Variants in SPOCD1 observed in about 807,000 individuals in gnomAD.
SPOCD1 encodes the protein SPOC domain-containing protein 1.
Under a neutral mutation model 92.2 loss-of-function variants are expected in SPOCD1, and 64 were observed. That is an observed-to-expected ratio of 0.69 (90% CI 0.57 to 0.86). The LOEUF (loss-of-function observed/expected upper bound fraction) is 0.86. SPOCD1 is among the 40% of genes least tolerant of loss of function. SPOCD1 has a pLI of 0.00. For synonymous variants in SPOCD1, 578 were observed against 619.3 expected (o/e 0.93, Z 0.99); for missense variants, 1,360 against 1,543.1 (o/e 0.88, Z 1.99).
At chr1:31,812,895 C>T (rs1649295467) in intron 2 of SPOCD1, among the ~76,000 whole-genome samples, 1 of 152,248 alleles carries the variant, frequency 6.6e-6, no homozygotes, top group African/African-American at 2.4e-5. Context: ...AAATCAAAAA[C>T]ATCTAGCACA....
intron 2 of SPOCD1, among the ~76,000 whole-genome samples, chr1:31,813,571 T>A (rs1649342240): frequency 6.6e-6 from 1 of 151,316 alleles, no homozygotes; most frequent in African/African-American, 2.4e-5. Context: ...CCTAGGCACA[T>A]TATTTTATAC....
Position 31,794,157 on chromosome 1 carries a change from G to A in SPOCD1, c.2350C>T (p.His784Tyr). Reference sequence around the variant, plus strand: ...ATGTGGCAGTTGGGGTCTAAGAAGTGGTGGTCATGCTGCCCCGTGGTGTCC... The same window carrying A: ...ATGTGGCAGTTGGGGTCTAAGAAGTAGTGGTCATGCTGCCCCGTGGTGTCC... Reference protein sequence around the residue: ...SEDTTGQHDHHFLDPNCHICK... With the variant: ...SEDTTGQHDHYFLDPNCHICK... The change falls in exon 11 of 16, where the codon CAC becomes TAC. Residue 784 changes from histidine to tyrosine, a missense_variant. Physicochemically the swap from His to Tyr is moderately conservative, Grantham distance 83. Coordinates refer to ENST00000360482, the MANE Select transcript of SPOCD1 (RefSeq NM_144569.7). 6.2e-7 allele frequency: 1 copy of A among 1,614,018 alleles called. No homozygotes were observed. The highest frequency in any genetic ancestry group is 8.5e-7 in the Non-Finnish European group (1 of 1,179,966).
Position 31,798,273 on chromosome 1 carries a change from C to A in SPOCD1, c.2079G>T (p.Val693=), listed in dbSNP as rs753769375. ...GGGCCAGCTGCATCGAGCTCATCCG[C>A]ACCAGGTCGTAGGGGGTGACATCTC... ...VHGDVTPYDL[V]RMSSMQLAPQ... Residue 693 remains valine (V), a synonymous_variant, in exon 9 of 16, where the codon GTG becomes GTT. Coordinates refer to ENST00000360482, the MANE Select transcript of SPOCD1 (RefSeq NM_144569.7). This position sits in a 1 kb window ranked among gnomAD's most constrained non-coding sequence, Gnocchi z 4.1. 6.2e-7 allele frequency: 1 copy of A among 1,613,974 alleles called. No individual in the cohort carries two copies. The highest frequency in any genetic ancestry group is 8.5e-7 in the Non-Finnish European group (1 of 1,180,034).
Position 31,814,201 on chromosome 1 carries a change from T to C in SPOCD1, c.1133A>G (p.Gln378Arg), listed in dbSNP as rs772370807. ...AQPASRGRLE[Q>R]GLAAPADTCA... Reference sequence around the variant, plus strand: ...GGTGTCAGCGGGGGCAGCGAGTCCTTGCTCCAGCCTTCCCCTGGAAGCTGG... The same window carrying C: ...GGTGTCAGCGGGGGCAGCGAGTCCTCGCTCCAGCCTTCCCCTGGAAGCTGG... The change falls in exon 2 of 16, where the codon CAA (glutamine) becomes CGA (arginine). Residue 378 changes from glutamine (Q) to arginine (R), a missense_variant. By Grantham distance (43) the Gln-to-Arg change is conservative (BLOSUM62 1). Coordinates refer to ENST00000360482, the MANE Select transcript of SPOCD1 (RefSeq NM_144569.7). The surrounding 1 kb of genome is among the most constrained non-coding windows in gnomAD (Gnocchi z 4.2). 5.7e-6 allele frequency: 9 copies of C among 1,573,490 alleles called. No homozygotes were observed. The highest frequency in any genetic ancestry group is 7.8e-6 in the Non-Finnish European group (9 of 1,158,200).
rs151262787 is a variant in SPOCD1 at position 31,794,076 on chromosome 1, G to A, written c.2383+48C>T. 2,198 of 1,584,898 alleles carry A rather than the reference G, an allele frequency of 1.4e-3. 10 individuals carry two copies. Among genetic ancestry groups the A allele is most frequent in the South Asian group, 3.9e-3 (348 of 89,644 alleles). ...CTGTTGCTGCTGAACTGCACGCTCA[G>A]CCCCAGCCTGGCTGCCACCCCTGCA... On this transcript the variant is annotated intron_variant, in intron 11 of 15. Transcript: ENST00000360482.
rs944367022 is a variant in SPOCD1, at chr1:31,793,980, C to G, written c.2384-83G>C. On this transcript the variant is annotated intron_variant, in intron 11 of 15. Transcript: ENST00000360482. ...CAGGGCTTTAGAGCCAGGGTTGAAC[C>G]AGGTTCTTTTCTAGGTGACCTGGGG... 115 of 1,547,940 alleles carry G rather than the reference C, an allele frequency of 7.4e-5. 1 individual carries two copies. The South Asian group carries it at 7.5e-4, about 10-fold the overall frequency.
intron 2 of SPOCD1, among the ~76,000 whole-genome samples, chr1:31,809,449 C>G (rs954856209): frequency 7.9e-5 from 12 of 151,492 alleles, no homozygotes; most frequent in Admixed American, 7.9e-4. Context: ...AATTCCACCC[C>G]AGAAAATATT....
intron 13 of SPOCD1, 85 bp downstream of exon 13, chr1:31,793,193 T>C: frequency 6.9e-7 from 1 of 1,454,798 alleles, no homozygotes. Context: ...TGTTTTAGAA[T>C]GCATGAGTGA....
Position 31,793,896 on chromosome 1 carries a change from G to A in SPOCD1, c.2385C>T (p.Asp795=), listed in dbSNP as rs1207365217. 1 of 1,610,426 alleles carries A rather than the reference G, an allele frequency of 6.2e-7. No individual in the cohort carries two copies. The highest frequency in any genetic ancestry group is 1.3e-5 in the African/African-American group (1 of 74,844). Residue 795 remains aspartate, a splice_region_variant and synonymous_variant, in exon 12 of 16, where the codon GAC becomes GAT. Transcript: ENST00000360482. ...FLDPNCHICK[D]WEPSNELLGS... is the part of the protein sequence containing the mutation. ...CTAGCAGCTCATTCGAGGGCTCCCA[G>A]TCTGCAAATAGCAGAGGCAGGAGCT...
Position 31,814,493 on chromosome 1 carries a change from C to T in SPOCD1, c.841G>A (p.Gly281Arg). 1 of 1,560,898 alleles carries T rather than the reference C, an allele frequency of 6.4e-7. No individual in the cohort carries two copies. The highest frequency in any genetic ancestry group is 8.7e-7 in the Non-Finnish European group (1 of 1,150,550). The change falls in exon 2 of 16, where the codon GGG (glycine) becomes AGG (arginine). Residue 281 changes from glycine to arginine, a missense_variant. Physicochemically the swap from Gly to Arg is moderately radical, Grantham distance 125. Around this residue, in one of 3 missense-constraint regions of SPOCD1, gnomAD observed 606 missense variants for 601.5 expected, o/e 1.01. Transcript: ENST00000360482. This position sits in a 1 kb window ranked among gnomAD's most constrained non-coding sequence, Gnocchi z 4.2. ...PGGSGAGCAS[G>R]TEKFGYLPAT... The stretch of plus-strand genomic sequence containing the variant: ...GGCAAATATCCAAATTTCTCAGTCC[C>T]TGAGGCACATCCTGCCCCACTTCCA...
Position 31,798,265 on chromosome 1 carries a change from C to T in SPOCD1, c.2087G>A (p.Ser696Asn). 3 of 1,614,110 alleles carry T rather than the reference C, an allele frequency of 1.9e-6. No homozygotes were observed. The highest frequency in any genetic ancestry group is 2.5e-6 in the Non-Finnish European group (3 of 1,180,036). The change falls in exon 9 of 16, where the codon AGC (serine) becomes AAC (asparagine). Residue 696 changes from serine to asparagine, a missense_variant. Ser to Asn is a conservative substitution (Grantham distance 46). This residue lies in a region of SPOCD1 where 614 missense variants were observed against 757.8 expected (regional missense o/e 0.81). Transcript: ENST00000360482. This position sits in a 1 kb window ranked among gnomAD's most constrained non-coding sequence, Gnocchi z 4.1. Reference protein sequence around the residue: ...DVTPYDLVRMSSMQLAPQELA... With the variant: ...DVTPYDLVRMNSMQLAPQELA... Reference sequence around the variant, plus strand: ...CTCCTGGGGGGCCAGCTGCATCGAGCTCATCCGCACCAGGTCGTAGGGGGT... The same window carrying T: ...CTCCTGGGGGGCCAGCTGCATCGAGTTCATCCGCACCAGGTCGTAGGGGGT...
In SPOCD1 at chr1:31,790,521, T is replaced by C; in HGVS notation, c.*82A>G. Reference sequence around the variant, plus strand: ...CAGGTGGGTAGGGCTGACCATCCTCTCCTTGCAGTCCCACCTCTCTCTGGA... The same window carrying C: ...CAGGTGGGTAGGGCTGACCATCCTCCCCTTGCAGTCCCACCTCTCTCTGGA... On this transcript the variant is annotated 3_prime_UTR_variant, in exon 16 of 16. Coordinates refer to ENST00000360482, the MANE Select transcript of SPOCD1 (RefSeq NM_144569.7). 7.8e-7 allele frequency: 1 copy of C among 1,288,248 alleles called. No homozygotes were observed. Among genetic ancestry groups the C allele is most frequent in the Non-Finnish European group, 1.1e-6 (1 of 932,440 alleles). 79.8% of individuals were successfully genotyped at this position (1,288,248 alleles called of 1,614,324 possible). A position where few individuals can be genotyped will look rare whatever the true frequency, so the allele number is the denominator to read the frequency against.
chr1:31,807,307 T>C (rs1202362755), intron 2 of SPOCD1, among the ~76,000 whole-genome samples: 1 of 134,510 alleles, frequency 7.4e-6, no homozygotes, highest in Non-Finnish European at 1.6e-5. Flanking sequence ...GGGAATTGCT[T>C]GAAGCTGGGA....
chr1:31,802,045 GT>G lies in SPOCD1; in HGVS notation c.1384-341del, dbSNP rs527299575. Among the ~76,000 whole-genome samples, 264 of 152,286 alleles carry G rather than the reference GT, an allele frequency of 1.7e-3. 2 individuals carry two copies. The highest frequency in any genetic ancestry group is 3.1e-3 in the Non-Finnish European group (208 of 68,032). On this transcript the variant is annotated intron_variant, in intron 2 of 15. Coordinates refer to ENST00000360482, the MANE Select transcript of SPOCD1 (RefSeq NM_144569.7). ...TAGCTGAGCATGGTGGCGGGTGCCT[GT>G]AATCCCAGCTACTCGGGAGGCTGAG...
chr1:31,800,926 G>A (rs1376959309), intron 3 of SPOCD1, among the ~76,000 whole-genome samples: 2 of 152,146 alleles, frequency 1.3e-5, no homozygotes, highest in Admixed American at 6.5e-5. Context: ...TGAACTCTGT[G>A]CCAGGACCCT....
intron 2 of SPOCD1, among the ~76,000 whole-genome samples, chr1:31,809,000 C>A (rs1242158761): frequency 6.6e-6 from 1 of 152,050 alleles, no homozygotes; most frequent in African/African-American, 2.4e-5. Context: ...ACCAGCCTGA[C>A]CAATATGGTG....
intron 10 of SPOCD1, 97 bp downstream of exon 10, chr1:31,796,493 G>A: frequency 6.3e-7 from 1 of 1,589,886 alleles, no homozygotes; most frequent in Non-Finnish European, 8.6e-7. Flanking sequence ...CCTCAGAGCA[G>A]TCAGGTGACA....
intron 2 of SPOCD1, among the ~76,000 whole-genome samples, chr1:31,803,684 T>A (rs1015062753): frequency 6.6e-6 from 1 of 151,512 alleles, no homozygotes; most frequent in African/African-American, 2.4e-5. Context: ...AAGGCTGCAG[T>A]GAGCTATGAT....
rs372166633 is a variant in SPOCD1 at position 31,799,854 on chromosome 1, T to C, written c.1738A>G (p.Met580Val). The C allele has an allele frequency of 6.8e-6, 11 of 1,613,986 alleles. No homozygotes were observed. Among genetic ancestry groups the C allele is most frequent in the African/African-American group, 6.7e-5 (5 of 74,920 alleles). ...GGAAGAGAATCCTCTTCAGCCTCCA[T>C]TGGGCCACTCTGTAGGGGAGGCGTG... ...SDPACSQSGP[M>V]EAEEDSLPEQ... Residue 580 changes from methionine (M) to valine (V), a missense_variant, in exon 6 of 16, where the codon ATG becomes GTG. This residue lies in a region of SPOCD1 where 606 missense variants were observed against 601.5 expected (regional missense o/e 1.01). Transcript: ENST00000360482.
Sources: allele counts gnomAD v4.1 joint callset (sites outside exome capture counted in the v4.1 genomes callset), GRCh38; gene constraint gnomAD v4.1.1; regional missense constraint gnomAD v4.1.1; non-coding constraint Gnocchi (gnomAD v3.1); transcripts MANE v1.5; gene names NCBI Gene and HGNC (gene_info 2026-07-23, HGNC 2026-07-21).